Variants in SGCD observed in about 807,000 individuals in gnomAD.
The protein encoded by SGCD is sarcoglycan delta.
Under a neutral mutation model 36.6 loss-of-function variants are expected in SGCD, and 18 were observed. The ratio of observed to expected loss-of-function variants is 0.49; its 90% CI spans 0.34 to 0.73. The LOEUF is 0.73. SGCD is among the 30% of genes least tolerant of loss of function. SGCD has a pLI of 0.01. For synonymous variants in SGCD, 133 were observed against 130.6 expected (o/e 1.02, Z -0.12); for missense variants, 387 against 346.7 (o/e 1.12, Z -0.92).
At chr5:156,622,435 A>AATAAT (rs1762285008) in intron 6 of SGCD, among the ~76,000 whole-genome samples, 35 of 137,072 alleles carry the variant, frequency 2.6e-4, no homozygotes, top group Non-Finnish European at 1.9e-4. Context: ...TCTGTCTAAA[A>AATAAT]AATAATAATA....
At chr5:155,802,413 T>C in the SGCD span, among the ~76,000 whole-genome samples, 3 of 152,252 alleles carry the variant, frequency 2.0e-5, no homozygotes, top group African/African-American at 7.2e-5. Context: ...TAGTAACGAA[T>C]TCTACCTATA....
At chr5:156,278,948 C>T (rs541756079) in intron 3 of SGCD, among the ~76,000 whole-genome samples, 10 of 152,194 alleles carry the variant, frequency 6.6e-5, no homozygotes, top group African/African-American at 2.2e-4. Flanking sequence ...GCAATGTTGT[C>T]TTCTAGGGAA....
intron 6 of SGCD, among the ~76,000 whole-genome samples, chr5:156,619,521 C>T (rs1762161170): frequency 6.6e-6 from 1 of 152,186 alleles, no homozygotes; most frequent in Non-Finnish European, 1.5e-5. Flanking sequence ...AGGAGATAAA[C>T]TTCTGTCAGG....
Position 156,757,791 on chromosome 5 carries a change from C to T in SGCD, c.699+87C>T, listed in dbSNP as rs780465813. 80 of 1,478,580 alleles carry T rather than the reference C, an allele frequency of 5.4e-5. No individual in the cohort carries two copies. In the East Asian group the frequency reaches 1.9e-3, roughly 35 times the overall value. The allele number at this position is 1,478,580 out of a possible 1,614,324, so 91.6% of individuals were successfully genotyped here. A position where few individuals can be genotyped will look rare whatever the true frequency, so the allele number is the denominator to read the frequency against. On this transcript the variant is annotated intron_variant, in intron 8 of 8. Transcript: ENST00000337851. ...TAACTGGTTGACCTCGGAGTTGGAT[C>T]CTACAGTGTATCAACAAAAGGAGCC...
chr5:156,291,075 C>T (rs1766745905), intron 3 of SGCD, among the ~76,000 whole-genome samples: 1 of 152,108 alleles, frequency 6.6e-6, no homozygotes, highest in African/African-American at 2.4e-5. Context: ...ACAGGCAACT[C>T]TACATGACTC....
intron 1 of SGCD, among the ~76,000 whole-genome samples, chr5:156,111,996 T>G (rs1761801099): frequency 6.6e-6 from 1 of 152,138 alleles, no homozygotes; most frequent in African/African-American, 2.4e-5. Context: ...GCCAGGCTGG[T>G]CTCGAACTCC....
chr5:156,262,982 T>C (rs1190489351), intron 3 of SGCD, among the ~76,000 whole-genome samples: 1 of 152,104 alleles, frequency 6.6e-6, no homozygotes, highest in Non-Finnish European at 1.5e-5. Context: ...CTACAATTTA[T>C]TTATCTACTC....
intron 3 of SGCD, among the ~76,000 whole-genome samples, chr5:156,208,037 A>G (rs1315823119): frequency 6.6e-6 from 1 of 152,214 alleles, no homozygotes; most frequent in Non-Finnish European, 1.5e-5. Flanking sequence ...CATACAATTT[A>G]GCTGTGAGAG....
rs117573414 is a variant in SGCD at position 156,053,858 on chromosome 5, G to A, written c.-281-64020G>A. The stretch of plus-strand genomic sequence containing the variant: ...TGCTGGCAGATTCAATATCTGGTGA[G>A]TGCCATTCCTCACGGATGACATCTA... On this transcript the variant is annotated intron_variant, in intron 1 of 9. Coordinates refer to the SGCD transcript ENST00000517913. 3.5e-4 allele frequency among the ~76,000 whole-genome samples: 52 copies of A among 146,552 alleles called. No homozygotes were observed. The East Asian group carries it at 9.6e-3, about 27-fold the overall frequency.
intron 6 of SGCD, among the ~76,000 whole-genome samples, chr5:156,616,041 A>T (rs936521004): frequency 5.3e-5 from 8 of 152,178 alleles, no homozygotes; most frequent in African/African-American, 1.9e-4. Context: ...TGTGATTGAA[A>T]AGCCCAAGAG....
intron 3 of SGCD, among the ~76,000 whole-genome samples, chr5:156,306,400 C>T (rs548929866): frequency 3.0e-4 from 46 of 152,294 alleles, no homozygotes; most frequent in African/African-American, 9.1e-4. Flanking sequence ...TCCTCCTTGC[C>T]TTCTGCTGTG....
chr5:155,832,572 T>C, the SGCD span, among the ~76,000 whole-genome samples: 1 of 152,186 alleles, frequency 6.6e-6, no homozygotes, highest in Non-Finnish European at 1.5e-5. Flanking sequence ...TTAGGGATTC[T>C]AGTCTGCTCC....
At chr5:156,261,129 AGTT>A (rs1419173669) in intron 3 of SGCD, among the ~76,000 whole-genome samples, 1 of 152,010 alleles carries the variant, frequency 6.6e-6, no homozygotes, top group Non-Finnish European at 1.5e-5. Flanking sequence ...AATCTTTTGT[AGTT>A]GTGTTATTAA....
the SGCD span, among the ~76,000 whole-genome samples, chr5:155,858,712 C>T: frequency 6.6e-6 from 1 of 152,170 alleles, no homozygotes; most frequent in Admixed American, 6.5e-5. Context: ...CCCAGCTTCT[C>T]ATTGGAGGAG....
At chr5:156,106,362 G>A (rs1037611939) in intron 1 of SGCD, among the ~76,000 whole-genome samples, 3 of 152,108 alleles carry the variant, frequency 2.0e-5, no homozygotes, top group Non-Finnish European at 4.4e-5. Flanking sequence ...ACTACAGGGC[G>A]AATGCTTTGC....
Position 156,594,798 on chromosome 5 carries a change from A to C in SGCD, c.383-134A>C, listed in dbSNP as rs1262483758. ...TGAAAACCAGTCCACTGAACATTGAAGTCTCATACAATCTTGTTAGATATG... is the reference window on the plus strand; with the variant it reads ...TGAAAACCAGTCCACTGAACATTGACGTCTCATACAATCTTGTTAGATATG... On this transcript the variant is annotated intron_variant, in intron 5 of 8. Coordinates refer to ENST00000337851, the MANE Select transcript of SGCD (RefSeq NM_000337.6). 3 of 609,606 alleles carry C rather than the reference A, an allele frequency of 4.9e-6. No individual in the cohort carries two copies. In the Admixed American group the frequency reaches 8.6e-5, roughly 17 times the overall value. The allele number at this position is 609,606 out of a possible 1,614,324, so 37.8% of individuals were successfully genotyped here.
At chr5:156,105,016 G>C (rs1032331350) in intron 1 of SGCD, among the ~76,000 whole-genome samples, 2 of 152,088 alleles carry the variant, frequency 1.3e-5, no homozygotes, top group Non-Finnish European at 2.9e-5. Context: ...GGGAGGGAGA[G>C]GGATAGCATT....
At chr5:155,847,186 T>C in the SGCD span, among the ~76,000 whole-genome samples, 8 of 152,346 alleles carry the variant, frequency 5.3e-5, no homozygotes, top group Admixed American at 1.3e-4. Context: ...TGTGCATGAA[T>C]GAGATCTCAT....
intron 4 of SGCD, among the ~76,000 whole-genome samples, chr5:156,543,675 AC>A (rs1758443754): frequency 6.6e-6 from 1 of 152,240 alleles, no homozygotes; most frequent in South Asian, 2.1e-4. Flanking sequence ...AGTGCCAGAC[AC>A]AAAGTGCTCA....
Sources: allele counts gnomAD v4.1 joint callset (sites outside exome capture counted in the v4.1 genomes callset), GRCh38; gene constraint gnomAD v4.1.1; transcripts MANE v1.5; gene names NCBI Gene and HGNC (gene_info 2026-07-23, HGNC 2026-07-21).